CLEC9A: variants seen among roughly 807,000 people sequenced by gnomAD.
CLEC9A encodes the protein C-type lectin domain family 9 member A.
In CLEC9A, 24 loss-of-function variants were observed where a neutral mutation model predicts 30.0. The observed-to-expected ratio is 0.80, with a 90% CI of 0.58 to 1.13. The LOEUF (loss-of-function observed/expected upper bound fraction) is 1.13. Among genes scored for constraint, CLEC9A ranks in the 50% most tolerant of loss-of-function variants. CLEC9A has a pLI of 0.00. For synonymous variants in CLEC9A, 111 were observed against 96.8 expected, an observed-to-expected ratio of 1.15 and a Z score of -0.86; for missense variants, 251 against 280.9, an observed-to-expected ratio of 0.89 and a Z score of 0.76.
rs978023890 is a variant in CLEC9A, at chr12:10,063,152, G to T, written c.417G>T (p.Glu139Asp). Residue 139 changes from glutamate to aspartate, a missense_variant, in exon 7 of 9, where the codon GAG (glutamate) becomes GAT (aspartate). Coordinates refer to ENST00000355819, the MANE Select transcript of CLEC9A (RefSeq NM_207345.4). ...GGAGCATTTGGCACACCAGTCAAGA[G>T]AATTGTTTAAAGGAAGGTTCCACGC... Reference protein sequence around the residue: ...EIWSIWHTSQENCLKEGSTLL... With the variant: ...EIWSIWHTSQDNCLKEGSTLL... 5 of 1,611,622 alleles carry T rather than the reference G, an allele frequency of 3.1e-6. No individual in the cohort carries two copies. Among genetic ancestry groups the T allele is most frequent in the African/African-American group, 1.3e-5 (1 of 74,704 alleles).
At chr12:10,033,367 C>A (rs1865716691) in intron 1 of CLEC9A, among the ~76,000 whole-genome samples, 1 of 151,938 alleles carries the variant, frequency 6.6e-6, no homozygotes, top group Non-Finnish European at 1.5e-5. Flanking sequence ...AACCTCATGA[C>A]TTAATAGCCA....
chr12:10,033,319 T>C (rs960372095), intron 1 of CLEC9A, among the ~76,000 whole-genome samples: 2 of 152,158 alleles, frequency 1.3e-5, no homozygotes, highest in African/African-American at 4.8e-5. Context: ...AATTGGATAG[T>C]ACCCATAGAA....
intron 2 of CLEC9A, chr12:10,043,158 C>T: frequency 2.7e-6 from 1 of 370,590 alleles, no homozygotes; most frequent in Non-Finnish European, 5.3e-6. Context: ...GTCTTTATGT[C>T]ATTATCAACA....
intron 6 of CLEC9A, 80 bp downstream of exon 6, chr12:10,061,353 T>G (rs1865995699): frequency 7.2e-7 from 1 of 1,386,990 alleles, no homozygotes; most frequent in East Asian, 2.6e-5. Context: ...GACACACATT[T>G]TGTTCTCTGC....
rs1361333940 is a variant in CLEC9A, at chr12:10,041,558, A to C, written c.-225A>C. ...CAAACACAACTTGACATGGAAAGAG[A>C]GTGAGCAGTACTGCACTGACATGAA... is the stretch of plus-strand genomic sequence containing the variant. On this transcript the variant is annotated 5_prime_UTR_variant, in exon 2 of 9. Coordinates refer to ENST00000355819, the MANE Select transcript of CLEC9A (RefSeq NM_207345.4). 2.0e-6 allele frequency: 1 copy of C among 505,036 alleles called. No individual in the cohort carries two copies. Among genetic ancestry groups the C allele is most frequent in the African/African-American group, 2.0e-5 (1 of 50,636 alleles). 31.3% of individuals were successfully genotyped at this position (505,036 alleles called of 1,614,324 possible). A position where few individuals can be genotyped will look rare whatever the true frequency, so the allele number is the denominator to read the frequency against.
rs767849288 is a variant in CLEC9A, at chr12:10,052,651, C to T, written c.-37C>T. On this transcript the variant is annotated 5_prime_UTR_variant, in exon 4 of 9. Transcript: ENST00000355819. ...CAAGAGGAGTTACTTGTTCCAGCCT[C>T]CTGTGTGGACTGCTTTCCTATCAAA... is the stretch of plus-strand genomic sequence containing the variant. 5 of 1,609,696 alleles carry T rather than the reference C, an allele frequency of 3.1e-6. No individual in the cohort carries two copies. Among genetic ancestry groups the T allele is most frequent in the Middle Eastern group, 3.3e-4 (2 of 6,046 alleles).
intron 1 of CLEC9A, among the ~76,000 whole-genome samples, chr12:10,039,062 C>A (rs939917151): frequency 4.6e-5 from 7 of 152,214 alleles, no homozygotes; most frequent in Non-Finnish European, 1.0e-4. Flanking sequence ...CAGGGGTGAG[C>A]CTTCCCCATA....
intron 5 of CLEC9A, among the ~76,000 whole-genome samples, chr12:10,056,875 T>A (rs1384301086): frequency 6.6e-6 from 1 of 152,124 alleles, no homozygotes; most frequent in Non-Finnish European, 1.5e-5. Context: ...TTCTTACAAA[T>A]AAAAGTTTTT....
intron 5 of CLEC9A, among the ~76,000 whole-genome samples, chr12:10,054,559 A>G (rs546929915): frequency 2.0e-5 from 3 of 152,310 alleles, no homozygotes; most frequent in African/African-American, 2.4e-5. Flanking sequence ...TTTAACTCAA[A>G]TCATGTGCTA....
intron 2 of CLEC9A, among the ~76,000 whole-genome samples, chr12:10,051,740 T>C (rs980298156): frequency 6.6e-6 from 1 of 152,236 alleles, no homozygotes; most frequent in African/African-American, 2.4e-5. Context: ...TGATGAATGA[T>C]GATTAAAGTC....
chr12:10,032,352 T>A (rs1415352546), intron 1 of CLEC9A, among the ~76,000 whole-genome samples: 1 of 151,654 alleles, frequency 6.6e-6, no homozygotes, highest in Non-Finnish European at 1.5e-5. Context: ...TCTCCATCTG[T>A]ATATTAAAAT....
chr12:10,065,416 G>T (rs891166244), intron 8 of CLEC9A, 84 bp from the exon 9 acceptor site: 1 of 1,519,406 alleles, frequency 6.6e-7, no homozygotes, highest in Non-Finnish European at 9.0e-7. Context: ...AAAACAAGCA[G>T]CTACACACCT....
intron 8 of CLEC9A, 30 bp downstream of exon 8, chr12:10,064,883 A>C: frequency 1.3e-6 from 2 of 1,597,670 alleles, no homozygotes; most frequent in Non-Finnish European, 1.7e-6. Flanking sequence ...GCTACAAGAA[A>C]AGTTAGAAAC....
intron 5 of CLEC9A, among the ~76,000 whole-genome samples, chr12:10,055,675 T>A (rs1865935739): frequency 6.6e-6 from 1 of 152,134 alleles, no homozygotes; most frequent in Non-Finnish European, 1.5e-5. Context: ...GGTTTTTATA[T>A]AAACATAAAT....
At chr12:10,058,141 T>G (rs1323793146) in intron 5 of CLEC9A, among the ~76,000 whole-genome samples, 1 of 152,200 alleles carries the variant, frequency 6.6e-6, no homozygotes, top group East Asian at 1.9e-4. Flanking sequence ...CTTTCTCCAG[T>G]TTTATTACAG....
chr12:10,033,681 G>A (rs1468712581), intron 1 of CLEC9A, among the ~76,000 whole-genome samples: 1 of 152,166 alleles, frequency 6.6e-6, no homozygotes, highest in Non-Finnish European at 1.5e-5. Context: ...TATTAATTAT[G>A]GAAGTATTGT....
chr12:10,064,201 A>G (rs1283599494), intron 7 of CLEC9A, among the ~76,000 whole-genome samples: 1 of 152,194 alleles, frequency 6.6e-6, no homozygotes, highest in Admixed American at 6.5e-5. Flanking sequence ...TTTGTTAAGG[A>G]TATGCAGTAA....
chr12:10,064,614 C>G, intron 7 of CLEC9A, 118 bp from the exon 8 acceptor site: 1 of 1,128,640 alleles, frequency 8.9e-7, no homozygotes, highest in Non-Finnish European at 1.2e-6. Context: ...CCCTTCTCTC[C>G]TTTTCCAGAT....
intron 1 of CLEC9A, among the ~76,000 whole-genome samples, chr12:10,038,847 C>A (rs187608358): frequency 6.6e-5 from 10 of 152,196 alleles, no homozygotes; most frequent in African/African-American, 1.9e-4. Context: ...TAAAACAAAA[C>A]AAAACAAAAA....
Sources: allele counts gnomAD v4.1 joint callset (sites outside exome capture counted in the v4.1 genomes callset), GRCh38; gene constraint gnomAD v4.1.1; transcripts MANE v1.5; gene names NCBI Gene and HGNC (gene_info 2026-07-23, HGNC 2026-07-21).